The following ZRANB3 variants were observed in gnomAD, a reference collection of about 807,000 sequenced individuals.
The protein encoded by ZRANB3 is zinc finger RANBP2-type containing 3.
ZRANB3 carries 125 observed loss-of-function variants against 133.8 expected under a neutral mutation model. The ratio of observed to expected loss-of-function variants is 0.93; its 90% CI spans 0.81 to 1.08. The LOEUF (loss-of-function observed/expected upper bound fraction) is 1.08. Among genes scored for constraint, ZRANB3 ranks in the 50% least tolerant of loss-of-function variants. The pLI is 0.00. For synonymous variants in ZRANB3, 387 were observed against 432.7 expected (o/e 0.89, Z 1.31); for missense variants, 1,229 against 1,275.5 (o/e 0.96, Z 0.56).
chr2:135,353,699 T>C, intron 3 of ZRANB3, 71 bp from the exon 4 acceptor site: 1 of 1,106,600 alleles, frequency 9.0e-7, no homozygotes, highest in Non-Finnish European at 1.2e-6. Context: ...TTATCAAACA[T>C]TTTATTTAAG....
chr2:135,415,392 C>A (rs1558984223), intron 2 of ZRANB3, among the ~76,000 whole-genome samples: 1 of 152,084 alleles, frequency 6.6e-6, no homozygotes, highest in Non-Finnish European at 1.5e-5. Context: ...ACACACTTTC[C>A]CAAGACTAAA....
chr2:135,394,478 T>C (rs915729948), intron 2 of ZRANB3, among the ~76,000 whole-genome samples: 1 of 151,992 alleles, frequency 6.6e-6, no homozygotes, highest in East Asian at 1.9e-4. Flanking sequence ...GGTAAGGAGA[T>C]GGGAAGCTGA....
At chr2:135,420,397 G>A (rs903475395) in intron 2 of ZRANB3, among the ~76,000 whole-genome samples, 2 of 152,028 alleles carry the variant, frequency 1.3e-5, no homozygotes, top group African/African-American at 4.8e-5. Flanking sequence ...AAAATATGTT[G>A]TGACTTGGTC....
chr2:135,268,784 G>A (rs1031008384), intron 11 of ZRANB3, among the ~76,000 whole-genome samples, 178 bp downstream of exon 11: 1 of 151,898 alleles, frequency 6.6e-6, no homozygotes, highest in Non-Finnish European at 1.5e-5. Flanking sequence ...TTATTACAGA[G>A]GAGAGCAGAC....
intron 4 of ZRANB3, among the ~76,000 whole-genome samples, chr2:135,351,636 G>T (rs577486812): frequency 6.6e-6 from 1 of 152,208 alleles, no homozygotes; most frequent in Non-Finnish European, 1.5e-5. Flanking sequence ...TAGGTATACT[G>T]AGAGCAACAT....
chr2:135,248,928 A>T (rs2105092546), intron 12 of ZRANB3, among the ~76,000 whole-genome samples: 1 of 152,320 alleles, frequency 6.6e-6, no homozygotes, highest in South Asian at 2.1e-4. Context: ...AACAAAAAAA[A>T]GTAGGCAAAG....
intron 4 of ZRANB3, among the ~76,000 whole-genome samples, chr2:135,350,695 G>T (rs777300374): frequency 5.3e-5 from 8 of 152,080 alleles, no homozygotes; most frequent in Non-Finnish European, 7.4e-5. Flanking sequence ...GACTTAACAG[G>T]GCTGTTCAGT....
chr2:135,466,866 T>C, intron 2 of ZRANB3, among the ~76,000 whole-genome samples: 1 of 152,120 alleles, frequency 6.6e-6, no homozygotes, highest in African/African-American at 2.4e-5. Flanking sequence ...TTTGTAGAGA[T>C]GGGTTTCACC....
chr2:135,502,089 A>G lies in ZRANB3; in HGVS notation c.161+2240T>C, dbSNP rs184141221. ...TACTGAAGAATGAACTCAAGATAAA[A>G]TATATCCTTAAATTATTTTTAAATC... On this transcript the variant is annotated intron_variant, in intron 2 of 20. Transcript: ENST00000264159. 2.0e-3 allele frequency among the ~76,000 whole-genome samples: 305 copies of G among 152,318 alleles called. 1 individual carries two copies. The highest frequency in any genetic ancestry group is 7.2e-3 in the African/African-American group (299 of 41,576).
chr2:135,507,718 G>A (rs1693255335), intron 1 of ZRANB3, among the ~76,000 whole-genome samples: 1 of 151,900 alleles, frequency 6.6e-6, no homozygotes, highest in African/African-American at 2.4e-5. Context: ...AACACTTTGG[G>A]AGGTTGAGGC....
chr2:135,433,956 C>A lies in ZRANB3; in HGVS notation c.162-43136G>T, dbSNP rs1230888949. Among the ~76,000 whole-genome samples, 14 of 152,250 alleles carry A rather than the reference C, an allele frequency of 9.2e-5. No homozygotes were observed. The East Asian group carries it at 2.7e-3, about 29-fold the overall frequency. ...AGGTTGCGGTGAGTTGAGATAGCGC[C>A]ACTGCACTCCAGCCTGGTGACAGAG... On this transcript the variant is annotated intron_variant, in intron 2 of 20. Transcript: ENST00000264159.
chr2:135,493,391 G>T (rs1460652346), intron 2 of ZRANB3, among the ~76,000 whole-genome samples: 3 of 150,644 alleles, frequency 2.0e-5, no homozygotes, highest in Non-Finnish European at 3.0e-5. Context: ...ATATTCACAA[G>T]ATACATATCT....
intron 2 of ZRANB3, among the ~76,000 whole-genome samples, chr2:135,430,822 T>G (rs1689289371): frequency 6.6e-6 from 1 of 152,154 alleles, no homozygotes; most frequent in African/African-American, 2.4e-5. Context: ...GAAACGACAG[T>G]CATTTCAACA....
At chr2:135,268,029 G>A (rs1357070105) in intron 11 of ZRANB3, among the ~76,000 whole-genome samples, 1 of 152,052 alleles carries the variant, frequency 6.6e-6, no homozygotes, top group Non-Finnish European at 1.5e-5. Context: ...AACCATACTG[G>A]CATCCTAATC....
At chr2:135,370,029 GTTTC>G (rs1416708444) in intron 3 of ZRANB3, among the ~76,000 whole-genome samples, 2 of 105,102 alleles carry the variant, frequency 1.9e-5, no homozygotes, top group African/African-American at 4.1e-5. Flanking sequence ...GGGAGGGCAT[GTTTC>G]TTTTTTTTTT....
chr2:135,399,053 G>C (rs1687624762), intron 2 of ZRANB3, among the ~76,000 whole-genome samples: 1 of 152,136 alleles, frequency 6.6e-6, no homozygotes, highest in Non-Finnish European at 1.5e-5. Flanking sequence ...ACTACGCCTA[G>C]GTTAGATGAT....
chr2:135,246,348 G>A (rs987212690), intron 12 of ZRANB3, among the ~76,000 whole-genome samples: 11 of 152,104 alleles, frequency 7.2e-5, no homozygotes, highest in Admixed American at 7.2e-4. Flanking sequence ...ATAAAAATAT[G>A]CTTCTAATGA....
chr2:135,272,353 AT>A (rs1454559535), intron 9 of ZRANB3, among the ~76,000 whole-genome samples: 1 of 150,564 alleles, frequency 6.6e-6, no homozygotes, highest in East Asian at 2.0e-4. Context: ...CAAATCACGG[AT>A]TCATGAAGAG....
rs1220443576 is a variant in ZRANB3, at chr2:135,509,950, G to A, written c.-7-5454C>T. Reference sequence around the variant, plus strand: ...TAAAAACAGGTTTTAGAAGTGTTTCGTGATCCAATATCAAAAGAAAAATTC... The same window carrying A: ...TAAAAACAGGTTTTAGAAGTGTTTCATGATCCAATATCAAAAGAAAAATTC... On this transcript the variant is annotated intron_variant, in intron 1 of 20. Transcript: ENST00000264159. 3.3e-5 allele frequency among the ~76,000 whole-genome samples: 5 copies of A among 151,846 alleles called. No individual in the cohort carries two copies. The East Asian group carries it at 5.8e-4, about 18-fold the overall frequency.
Sources: gnomAD v4.1 joint callset for allele counts (sites outside exome capture counted in the v4.1 genomes callset) on GRCh38, gnomAD v4.1.1 for gene constraint, MANE v1.5 for transcripts, NCBI Gene and HGNC (gene_info 2026-07-23, HGNC 2026-07-21) for gene names.